FAM107A: variants seen among roughly 807,000 people sequenced by gnomAD.
FAM107A encodes family with sequence similarity 107 member A.
FAM107A carries 19 observed loss-of-function variants against 13.7 expected under a neutral mutation model. That is an observed-to-expected ratio of 1.38 (90% CI 0.97 to 2.03). The LOEUF is 2.03. Ranked by LOEUF, FAM107A falls within the 30% of genes most tolerant of loss-of-function variation. The probability of loss-of-function intolerance (pLI) is 0.00; values close to 1 mark genes in which losing one functional copy is unlikely to be tolerated. For missense variants in FAM107A, 203 were observed against 184.4 expected (o/e 1.10, Z -0.58); for synonymous variants, 82 against 74.5 (o/e 1.10, Z -0.52).
intron 1 of FAM107A, among the ~76,000 whole-genome samples, chr3:58,596,652 C>G (rs999727290): frequency 1.3e-4 from 19 of 147,410 alleles, no homozygotes; most frequent in African/African-American, 4.6e-4. Flanking sequence ...GCACTCCAGC[C>G]TGGGTGACAG....
At chr3:58,584,906 C>G (rs1017700659) in intron 1 of FAM107A, among the ~76,000 whole-genome samples, 4 of 152,204 alleles carry the variant, frequency 2.6e-5, no homozygotes, top group Non-Finnish European at 4.4e-5. Flanking sequence ...GTGGAGTGTA[C>G]TTTCATTTTC....
In FAM107A at chr3:58,622,457, C is replaced by G. The variant is rs76407373; in HGVS notation, c.-70+4959G>C. On this transcript the variant is annotated intron_variant, in intron 1 of 3. Transcript: ENST00000465970. Reference sequence around the variant, plus strand: ...CTCTGTACTACCCCTATGCCCCCCCCAAAAGAAAGCATTTAGCATAGTGGC... The same window carrying G: ...CTCTGTACTACCCCTATGCCCCCCCGAAAAGAAAGCATTTAGCATAGTGGC... Among the ~76,000 whole-genome samples the G allele has an allele frequency of 2.0e-5, 3 of 148,196 alleles. No homozygotes were observed. The South Asian group carries it at 6.6e-4, about 32-fold the overall frequency.
chr3:58,599,255 AT>A (rs2065732472), intron 1 of FAM107A, among the ~76,000 whole-genome samples: 1 of 152,120 alleles, frequency 6.6e-6, no homozygotes, highest in South Asian at 2.1e-4. Context: ...ATTTTTCACT[AT>A]TACAAATAAT....
chr3:58,587,110 G>A (rs997029738), exon 1 of FAM107A: 7 of 1,370,640 alleles, frequency 5.1e-6, no homozygotes, highest in Middle Eastern at 2.7e-4. Flanking sequence ...CGCCGCCGGG[G>A]GAAGGAGGGG....
intron 1 of FAM107A, among the ~76,000 whole-genome samples, chr3:58,612,870 T>C (rs1346667244): frequency 6.6e-6 from 1 of 151,066 alleles, no homozygotes; most frequent in Non-Finnish European, 1.5e-5. Flanking sequence ...TTATCAGTCA[T>C]CTTTATGCAC....
chr3:58,594,764 T>G (rs2065684248), intron 1 of FAM107A, among the ~76,000 whole-genome samples: 1 of 152,170 alleles, frequency 6.6e-6, no homozygotes, highest in Non-Finnish European at 1.5e-5. Context: ...AAAAGAGGAC[T>G]GTATATTTTC....
At chr3:58,600,465 A>G (rs2065744374) in intron 1 of FAM107A, among the ~76,000 whole-genome samples, 1 of 152,210 alleles carries the variant, frequency 6.6e-6, no homozygotes, top group African/African-American at 2.4e-5. Flanking sequence ...CTATATCGTC[A>G]TCCCATTTTA....
intron 1 of FAM107A, among the ~76,000 whole-genome samples, chr3:58,602,837 A>G (rs143727382): frequency 6.6e-6 from 1 of 152,326 alleles, no homozygotes; most frequent in African/African-American, 2.4e-5. Flanking sequence ...TTTTCCACCA[A>G]CCTAATATAT....
intron 1 of FAM107A, among the ~76,000 whole-genome samples, chr3:58,622,456 C>T (rs991171884): frequency 1.3e-5 from 2 of 152,118 alleles, no homozygotes; most frequent in Non-Finnish European, 1.5e-5. Flanking sequence ...TATGCCCCCC[C>T]CAAAAGAAAG....
chr3:58,585,765 G>C (rs2065599203), intron 1 of FAM107A, among the ~76,000 whole-genome samples: 1 of 152,262 alleles, frequency 6.6e-6, no homozygotes, highest in Non-Finnish European at 1.5e-5. Context: ...TCTCCAAGGA[G>C]AGTCGGGAGG....
In FAM107A at chr3:58,566,213, G is replaced by T. The variant is rs1404257545; in HGVS notation, c.*375C>A. The T allele has an allele frequency of 5.5e-6, 1 of 181,294 alleles. No homozygotes were observed. Among genetic ancestry groups the T allele is most frequent in the Non-Finnish European group, 1.1e-5 (1 of 87,898 alleles). 11.2% of individuals were successfully genotyped at this position (181,294 alleles called of 1,614,324 possible). A position where few individuals can be genotyped will look rare whatever the true frequency, so the allele number is the denominator to read the frequency against. The stretch of plus-strand genomic sequence containing the variant: ...GAGCTGGGGTGTACGGAGAAGCGGG[G>T]CCCTGGGGAGCCTCGGAGATTCCTG... On this transcript the variant is annotated 3_prime_UTR_variant, in exon 4 of 4. Coordinates refer to ENST00000360997, the MANE Select transcript of FAM107A (RefSeq NM_001076778.3).
At chr3:58,622,920 G>A (rs946817688) in intron 1 of FAM107A, among the ~76,000 whole-genome samples, 6 of 152,214 alleles carry the variant, frequency 3.9e-5, no homozygotes, top group Non-Finnish European at 8.8e-5. Context: ...CAGAAGTGAG[G>A]TGCAAGGCCC....
intron 1 of FAM107A, among the ~76,000 whole-genome samples, chr3:58,595,700 G>GTGCA (rs2065701592): frequency 1.3e-5 from 2 of 150,868 alleles, no homozygotes; most frequent in African/African-American, 4.9e-5. Context: ...CTTGTTGCGT[G>GTGCA]CACACACACA....
At chr3:58,583,293 A>G (rs1260599418) in intron 1 of FAM107A, among the ~76,000 whole-genome samples, 1 of 152,238 alleles carries the variant, frequency 6.6e-6, no homozygotes, top group African/African-American at 2.4e-5. Context: ...CAATTTCTCG[A>G]AATATCTATG....
upstream of FAM107A, among the ~76,000 whole-genome samples, chr3:58,581,481 A>G (rs551730124): frequency 3.9e-5 from 6 of 152,324 alleles, no homozygotes; most frequent in South Asian, 8.3e-4. Context: ...AGAAGTTTCC[A>G]TGGCAACTTA....
At position 58,566,712 on chromosome 3, in the gene FAM107A, C is replaced by T. The variant is rs753737093; in HGVS notation, c.328-17G>A. 2 of 1,592,044 alleles carry T rather than the reference C, an allele frequency of 1.3e-6. No individual in the cohort carries two copies. Among genetic ancestry groups the T allele is most frequent in the Non-Finnish European group, 1.7e-6 (2 of 1,160,230 alleles). ...TTTTTCCAGCTGAAGGAGGGAGAAG[C>T]AGAGAGTGAAGTGGGTGGAGCTAGG... On this transcript the variant is annotated splice_polypyrimidine_tract_variant and intron_variant, in intron 3 of 3. Coordinates refer to ENST00000360997, the MANE Select transcript of FAM107A (RefSeq NM_001076778.3).
intron 1 of FAM107A, chr3:58,609,156 G>A (rs2065828910): frequency 6.6e-6 from 1 of 152,214 alleles, no homozygotes; most frequent in African/African-American, 2.4e-5. Context: ...CCCAGCAGAT[G>A]CAGGTGAAGA....
chr3:58,627,413 C>T (rs1037734233), intron 1 of FAM107A: 1 of 188,052 alleles, frequency 5.3e-6, no homozygotes, highest in African/African-American at 2.3e-5. Flanking sequence ...TTGGCCTTCT[C>T]ACCTTGCTGG....
rs1188838432 is a variant in FAM107A at position 58,569,871 on chromosome 3, G to C, written c.-5-6C>G. Reference sequence around the variant, plus strand: ...GATCTCCGAGTACATGGCGGCTGTAGAGATGGGCAGAGGAGTAGCTCAGAG... The same window carrying C: ...GATCTCCGAGTACATGGCGGCTGTACAGATGGGCAGAGGAGTAGCTCAGAG... On this transcript the variant is annotated splice_polypyrimidine_tract_variant and splice_region_variant and intron_variant, in intron 1 of 3. Transcript: ENST00000360997. The surrounding 1 kb of genome is among the most constrained non-coding windows in gnomAD (Gnocchi z 5.7). 1.2e-6 allele frequency: 2 copies of C among 1,613,050 alleles called. No homozygotes were observed. Among genetic ancestry groups the C allele is most frequent in the African/African-American group, 1.3e-5 (1 of 74,896 alleles).
Sources: allele counts gnomAD v4.1 joint callset (sites outside exome capture counted in the v4.1 genomes callset), GRCh38; gene constraint gnomAD v4.1.1; non-coding constraint Gnocchi (gnomAD v3.1); transcripts MANE v1.5; gene names NCBI Gene and HGNC (gene_info 2026-07-23, HGNC 2026-07-21).